GPR55: variants seen among roughly 807,000 people sequenced by gnomAD.
GPR55 encodes the protein G protein-coupled receptor 55.
Under a neutral mutation model 7.9 loss-of-function variants are expected in GPR55, and 6 were observed. That is an observed-to-expected ratio of 0.76 (90% confidence interval 0.41 to 1.49). The LOEUF is 1.49. Ranked by LOEUF, GPR55 falls within the 40% of genes most tolerant of loss-of-function variation. The pLI is 0.01. For synonymous variants in GPR55, 183 were observed against 166.8 expected, an observed-to-expected ratio of 1.10 and a Z score of -0.75; for missense variants, 376 against 406.0, an observed-to-expected ratio of 0.93 and a Z score of 0.63.
chr2:230,959,464 G>C (rs1691537100), intron 1 of GPR55, among the ~76,000 whole-genome samples: 2 of 151,888 alleles, frequency 1.3e-5, no homozygotes, highest in Admixed American at 1.3e-4. Context: ...AAAAAAAGTT[G>C]CTTTACATAC....
At chr2:230,951,907 T>C (rs1691410350) in intron 1 of GPR55, among the ~76,000 whole-genome samples, 1 of 150,300 alleles carries the variant, frequency 6.7e-6, no homozygotes, top group South Asian at 2.1e-4. Flanking sequence ...TACAGGTACA[T>C]ACCACCAGGC....
intron 1 of GPR55, among the ~76,000 whole-genome samples, chr2:230,911,744 G>A (rs997001536): frequency 6.6e-6 from 1 of 152,180 alleles, no homozygotes; most frequent in Non-Finnish European, 1.5e-5. Context: ...GGGAGAAATG[G>A]CATTCCCAGA....
intron 1 of GPR55, among the ~76,000 whole-genome samples, chr2:230,952,647 G>T (rs965693845): frequency 6.6e-6 from 1 of 152,218 alleles, no homozygotes; most frequent in Non-Finnish European, 1.5e-5. Context: ...GAAGCTCAGG[G>T]ACTGCAGAGA....
chr2:230,920,092 T>TTGTG (rs61504370), intron 1 of GPR55, among the ~76,000 whole-genome samples: 15,737 of 149,420 alleles, frequency 0.11, 1,664 homozygotes, highest in African/African-American at 0.28. Flanking sequence ...TCTCTGTCTT[T>TTGTG]TGTGTGTGTG....
intron 1 of GPR55, among the ~76,000 whole-genome samples, chr2:230,945,659 A>G (rs1332172729): frequency 3.9e-5 from 6 of 151,910 alleles, no homozygotes; most frequent in Non-Finnish European, 8.8e-5. Flanking sequence ...TGCAAGCTCC[A>G]CCTCCCGGGT....
In GPR55 at chr2:230,908,290, C is replaced by G. The variant is rs1486621703; in HGVS notation, c.*1713G>C. The G allele has an allele frequency of 6.5e-6, 1 of 152,964 alleles. No individual in the cohort carries two copies. Among genetic ancestry groups the G allele is most frequent in the Admixed American group, 6.5e-5 (1 of 15,300 alleles). The allele number at this position is 152,964 out of a possible 1,614,324, so 9.5% of individuals were successfully genotyped here. A position where few individuals can be genotyped will look rare whatever the true frequency, so the allele number is the denominator to read the frequency against. On this transcript the variant is annotated 3_prime_UTR_variant, in exon 2 of 2. Transcript: ENST00000650999. ...CCACCCCTTCATTGACGCTCTCTTC[C>G]TCACCCTTCCCTCCATCCACCTAGG...
upstream of GPR55, among the ~76,000 whole-genome samples, chr2:230,927,890 C>T (rs1260375825): frequency 1.8e-4 from 27 of 152,242 alleles, no homozygotes; most frequent in Non-Finnish European, 1.5e-5. Context: ...GGAAACCTGC[C>T]CACCAGGGGG....
At chr2:230,943,950 T>C (rs1691273688) in intron 1 of GPR55, among the ~76,000 whole-genome samples, 2 of 152,218 alleles carry the variant, frequency 1.3e-5, no homozygotes, top group African/African-American at 2.4e-5. Context: ...CTTTATAAAT[T>C]ATCCAGCCTC....
At chr2:230,959,416 T>A (rs1574639530) in intron 1 of GPR55, among the ~76,000 whole-genome samples, 2 of 151,534 alleles carry the variant, frequency 1.3e-5, no homozygotes, top group East Asian at 3.9e-4. Context: ...GCCACTGCAC[T>A]CCAGCCTGGG....
intron 1 of GPR55, among the ~76,000 whole-genome samples, chr2:230,922,349 G>A (rs1379212124): frequency 3.3e-5 from 5 of 151,898 alleles, no homozygotes; most frequent in Non-Finnish European, 2.9e-5. Context: ...GCTCAGCCCC[G>A]AGCCCGGAGC....
upstream of GPR55, among the ~76,000 whole-genome samples, chr2:230,929,062 C>T (rs1450526999): frequency 6.6e-6 from 1 of 152,110 alleles, no homozygotes; most frequent in Non-Finnish European, 1.5e-5. Context: ...CCATGTTGCC[C>T]AGGCTGGTCT....
chr2:230,922,329 T>C (rs568487324), intron 1 of GPR55, among the ~76,000 whole-genome samples: 2 of 152,190 alleles, frequency 1.3e-5, no homozygotes, highest in African/African-American at 4.8e-5. Flanking sequence ...TCTTCCATCC[T>C]CAAGGCCCTG....
chr2:230,933,853 G>A (rs1691092461), intron 1 of GPR55, among the ~76,000 whole-genome samples: 1 of 152,204 alleles, frequency 6.6e-6, no homozygotes, highest in Non-Finnish European at 1.5e-5. Flanking sequence ...GGAGATGCAG[G>A]ATGCAGGGGA....
At chr2:230,915,992 A>G (rs898362152) in intron 1 of GPR55, among the ~76,000 whole-genome samples, 5 of 152,170 alleles carry the variant, frequency 3.3e-5, no homozygotes, top group Non-Finnish European at 5.9e-5. Flanking sequence ...GGAACTGAGC[A>G]TTGAATTGAA....
intron 1 of GPR55, among the ~76,000 whole-genome samples, chr2:230,952,476 G>A (rs1358960324): frequency 5.3e-4 from 80 of 152,330 alleles, no homozygotes; most frequent in African/African-American, 1.8e-3. Context: ...GTGATCTGGG[G>A]ATGGCCAATG....
At chr2:230,915,742 C>T (rs1024712110) in intron 1 of GPR55, among the ~76,000 whole-genome samples, 3 of 152,128 alleles carry the variant, frequency 2.0e-5, no homozygotes, top group African/African-American at 7.2e-5. Context: ...ATAAACAAAC[C>T]AAGTTCCTTG....
chr2:230,910,134 A>C lies in GPR55; in HGVS notation c.829T>G (p.Ser277Ala). 6.2e-7 allele frequency: 1 copy of C among 1,614,184 alleles called. No individual in the cohort carries two copies. Among genetic ancestry groups the C allele is most frequent in the Non-Finnish European group, 8.5e-7 (1 of 1,180,018 alleles). Residue 277 changes from serine to alanine, a missense_variant, in exon 2 of 2, where the codon TCC becomes GCC. By Grantham distance (99) the Ser-to-Ala change is moderately conservative (BLOSUM62 1). Transcript: ENST00000650999. The surrounding 1 kb of genome is among the most constrained non-coding windows in gnomAD (Gnocchi z 5.4). ...SFFLQLSMCF[S>A]NVNCCLDVFC... ...ACATCCAGGCAGCAGTTGACGTTGG[A>C]GAAACACATGGACAATTGCAAGAAG...
intron 1 of GPR55, among the ~76,000 whole-genome samples, chr2:230,947,479 G>A (rs549343363): frequency 1.3e-5 from 2 of 151,566 alleles, no homozygotes; most frequent in East Asian, 3.9e-4. Context: ...CCAGTAGGGA[G>A]TGTCTGTTGG....
In GPR55 at chr2:230,911,082, C is replaced by A; in HGVS notation, c.-120G>T. The A allele has an allele frequency of 1.0e-6, 1 of 993,318 alleles. No individual in the cohort carries two copies. The highest frequency in any genetic ancestry group is 1.6e-5 in the African/African-American group (1 of 61,874). The allele number at this position is 993,318 out of a possible 1,614,324, so 61.5% of individuals were successfully genotyped here. On this transcript the variant is annotated 5_prime_UTR_variant, in exon 2 of 2. Transcript: ENST00000650999. ...CCCCAGCATCACACAGCAATTCATG[C>A]CCATTGAATCACAACTAGAACACAG...
Sources: gnomAD v4.1 joint callset for allele counts (sites outside exome capture counted in the v4.1 genomes callset) on GRCh38, gnomAD v4.1.1 for gene constraint, Gnocchi (gnomAD v3.1) non-coding constraint, MANE v1.5 for transcripts, NCBI Gene and HGNC (gene_info 2026-07-23, HGNC 2026-07-21) for gene names.